The following SNX29 variants were observed in gnomAD, a reference collection of about 807,000 sequenced individuals.
SNX29 encodes the protein sorting nexin-29.
In SNX29, 78 loss-of-function variants were observed where a neutral mutation model predicts 102.1. That is an observed-to-expected ratio of 0.76 (90% CI 0.64 to 0.92). SNX29 has a LOEUF of 0.92. Ranked by LOEUF, SNX29 falls within the 40% of genes least tolerant of loss-of-function variation. The pLI, the probability that SNX29 is intolerant of heterozygous loss-of-function variation, is 0.00. For synonymous variants in SNX29, 580 were observed against 414.5 expected, an observed-to-expected ratio of 1.40 and a Z score of -4.85; for missense variants, 1,280 against 1,061.7, an observed-to-expected ratio of 1.21 and a Z score of -2.86.
chr16:12,183,682 G>C (rs991586974), intron 13 of SNX29, among the ~76,000 whole-genome samples: 2 of 152,192 alleles, frequency 1.3e-5, no homozygotes, highest in Non-Finnish European at 2.9e-5. Flanking sequence ...GGGCTGGGTA[G>C]AATGAGGCTG....
At chr16:12,019,367 G>A (rs1596608569) in intron 3 of SNX29, among the ~76,000 whole-genome samples, 1 of 151,370 alleles carries the variant, frequency 6.6e-6, no homozygotes, top group Non-Finnish European at 1.5e-5. Flanking sequence ...CACCATGCCC[G>A]GCTACTTTTT....
chr16:12,341,863 C>G (rs1383198640), intron 15 of SNX29, among the ~76,000 whole-genome samples: 1 of 152,190 alleles, frequency 6.6e-6, no homozygotes, highest in East Asian at 1.9e-4. Flanking sequence ...CCACAAGGAC[C>G]CACTTGTTGT....
intron 13 of SNX29, among the ~76,000 whole-genome samples, chr16:12,181,964 A>G (rs1257564286): frequency 6.6e-6 from 1 of 151,666 alleles, no homozygotes; most frequent in African/African-American, 2.4e-5. Context: ...GCTCAATGCA[A>G]CCTGTGCCTC....
intron 19 of SNX29, among the ~76,000 whole-genome samples, chr16:12,486,650 C>G (rs74012725): frequency 6.6e-6 from 1 of 152,192 alleles, no homozygotes; most frequent in African/African-American, 2.4e-5. Flanking sequence ...GGAGGCTGGA[C>G]GGGCAGAATC....
At chr16:12,345,973 A>G (rs973534208) in intron 15 of SNX29, among the ~76,000 whole-genome samples, 4 of 152,228 alleles carry the variant, frequency 2.6e-5, no homozygotes, top group Non-Finnish European at 5.9e-5. Flanking sequence ...CAGCTTCAGC[A>G]GCCACCAACC....
At chr16:12,455,158 CCTT>C (rs2151730632) in intron 18 of SNX29, among the ~76,000 whole-genome samples, 1 of 152,306 alleles carries the variant, frequency 6.6e-6, no homozygotes, top group South Asian at 2.1e-4. Context: ...GTTTCCTCCT[CCTT>C]CTAGACGACC....
At chr16:12,391,184 G>A (rs913262736) in intron 16 of SNX29, among the ~76,000 whole-genome samples, 7 of 152,210 alleles carry the variant, frequency 4.6e-5, no homozygotes, top group South Asian at 2.1e-4. Flanking sequence ...GGGCCCAAGC[G>A]ATCCTCCTGC....
chr16:12,320,548 TAC>T, intron 15 of SNX29, among the ~76,000 whole-genome samples: 1 of 152,314 alleles, frequency 6.6e-6, no homozygotes, highest in East Asian at 1.9e-4. Context: ...CACTGGAGAA[TAC>T]TTAAGATTAA....
rs1206571556 is a variant in SNX29 at position 12,524,072 on chromosome 16, C to T, written c.2179-630C>T. On this transcript the variant is annotated intron_variant, in intron 19 of 20. Coordinates refer to ENST00000566228, the MANE Select transcript of SNX29 (RefSeq NM_032167.5). ...TAATTTTGTATTTTTAGTAGAGAAA[C>T]GTGGGGTTTCTCCAGGTTGGTTAGG... Among the ~76,000 whole-genome samples the T allele has an allele frequency of 3.3e-5, 5 of 152,050 alleles. No individual in the cohort carries two copies. The East Asian group carries it at 5.8e-4, about 18-fold the overall frequency.
chr16:12,381,892 C>G (rs1471889391), intron 16 of SNX29, among the ~76,000 whole-genome samples: 1 of 150,040 alleles, frequency 6.7e-6, no homozygotes, highest in Non-Finnish European at 1.5e-5. Context: ...CCCATTCACC[C>G]CCACTCCCGT....
chr16:12,089,491 G>A (rs2052396686), intron 11 of SNX29, among the ~76,000 whole-genome samples: 1 of 152,120 alleles, frequency 6.6e-6, no homozygotes, highest in Admixed American at 6.5e-5. Flanking sequence ...CAGAACTGTG[G>A]GGAAGACAAG....
intron 11 of SNX29, among the ~76,000 whole-genome samples, chr16:12,120,858 G>A (rs375296717): frequency 6.6e-6 from 1 of 152,164 alleles, no homozygotes; most frequent in Non-Finnish European, 1.5e-5. Flanking sequence ...GCATTCCCGA[G>A]ATGCATAATG....
At chr16:12,366,866 T>C (rs1329722019) in intron 16 of SNX29, 2 of 149,984 alleles carry the variant, frequency 1.3e-5, no homozygotes, top group Non-Finnish European at 3.0e-5. Flanking sequence ...TCTTTTCCTC[T>C]GTCTGTCTCT....
At chr16:12,175,138 G>A (rs1394225898) in intron 13 of SNX29, among the ~76,000 whole-genome samples, 1 of 152,134 alleles carries the variant, frequency 6.6e-6, no homozygotes, top group Non-Finnish European at 1.5e-5. Context: ...AATTTTTACT[G>A]ATCTATTACT....
intron 11 of SNX29, among the ~76,000 whole-genome samples, chr16:12,084,087 C>G (rs1049525366): frequency 2.0e-5 from 3 of 152,134 alleles, no homozygotes; most frequent in African/African-American, 7.2e-5. Context: ...CATGATTGTT[C>G]TCCTACTGCA....
At chr16:12,402,298 A>T (rs1162859504) in intron 17 of SNX29, among the ~76,000 whole-genome samples, 1 of 152,130 alleles carries the variant, frequency 6.6e-6, no homozygotes, top group Admixed American at 6.5e-5. Context: ...AATGGTCTTT[A>T]CTCTAGAGGT....
intron 16 of SNX29, among the ~76,000 whole-genome samples, chr16:12,367,921 G>T (rs2082544230): frequency 6.6e-6 from 1 of 152,198 alleles, no homozygotes; most frequent in Non-Finnish European, 1.5e-5. Flanking sequence ...AAAATTATTT[G>T]GAAAGATGCT....
chr16:12,399,066 TA>T (rs72398718), intron 17 of SNX29, among the ~76,000 whole-genome samples: 25,475 of 151,940 alleles, frequency 0.17, 2,355 homozygotes, highest in Middle Eastern at 0.24. Flanking sequence ...CAGACTTTTT[TA>T]TTTTTGAGAT....
rs190837147 is a variant in SNX29, at chr16:12,344,580, T to C, written c.1783-11583T>C. ...TCTGAGAATTTTCAGATATTGAAGATAAGTTTCTTAAGAAGGAGCCATGGA... is the reference window on the plus strand; with the variant it reads ...TCTGAGAATTTTCAGATATTGAAGACAAGTTTCTTAAGAAGGAGCCATGGA... On this transcript the variant is annotated intron_variant, in intron 15 of 20. Transcript: ENST00000566228. Among the ~76,000 whole-genome samples, 6 of 152,356 alleles carry C rather than the reference T, an allele frequency of 3.9e-5. No homozygotes were observed. In the East Asian group the frequency reaches 1.2e-3, roughly 29 times the overall value.
Sources: allele counts gnomAD v4.1 joint callset (sites outside exome capture counted in the v4.1 genomes callset), GRCh38; gene constraint gnomAD v4.1.1; transcripts MANE v1.5; gene names NCBI Gene and HGNC (gene_info 2026-07-23, HGNC 2026-07-21).